The following WWTR1 variants were observed in gnomAD, a reference collection of about 807,000 sequenced individuals.
The protein encoded by WWTR1 is WW domain-containing transcription regulator protein 1.
WWTR1 carries 13 observed loss-of-function variants against 40.1 expected under a neutral mutation model. That is an observed-to-expected ratio of 0.32 (90% confidence interval 0.21 to 0.52). The LOEUF is 0.52. Among genes scored for constraint, WWTR1 ranks in the 20% least tolerant of loss-of-function variants. The pLI is 0.97. For missense variants in WWTR1, 436 were observed against 523.1 expected, an observed-to-expected ratio of 0.83 and a Z score of 1.63; for synonymous variants, 230 against 210.1, an observed-to-expected ratio of 1.09 and a Z score of -0.82.
chr3:149,595,119 G>A (rs71304478), intron 2 of WWTR1, among the ~76,000 whole-genome samples: 1 of 151,304 alleles, frequency 6.6e-6, no homozygotes, highest in Non-Finnish European at 1.5e-5. Context: ...GCACCACCAC[G>A]CCCAGCTAAT....
At chr3:149,668,924 T>C (rs552811691) in intron 2 of WWTR1, among the ~76,000 whole-genome samples, 25 of 152,300 alleles carry the variant, frequency 1.6e-4, no homozygotes, top group African/African-American at 5.8e-4. Context: ...AATCTAGTGG[T>C]AAATTTCAAC....
chr3:149,646,087 A>G (rs953714442), intron 2 of WWTR1, among the ~76,000 whole-genome samples: 3 of 152,252 alleles, frequency 2.0e-5, no homozygotes. Context: ...AATGATTATT[A>G]AGTTAATGAA....
Position 149,675,908 on chromosome 3 carries a change from G to A in WWTR1, c.-107-6017C>T, listed in dbSNP as rs975875453. Among the ~76,000 whole-genome samples, 8 of 152,156 alleles carry A rather than the reference G, an allele frequency of 5.3e-5. No individual in the cohort carries two copies. In the South Asian group the frequency reaches 1.7e-3, roughly 32 times the overall value. ...AATTTTTTGTGTTTTTAGTAGAGAT[G>A]AGGTTTCACCATGGTCTCGATCTCC... On this transcript the variant is annotated intron_variant, in intron 1 of 7. Transcript: ENST00000465804.
intron 2 of WWTR1, among the ~76,000 whole-genome samples, chr3:149,598,542 C>T (rs1739104944): frequency 6.6e-6 from 1 of 152,184 alleles, no homozygotes; most frequent in Non-Finnish European, 1.5e-5. Flanking sequence ...TAGTGTCTCC[C>T]AAATTGCTTG....
chr3:149,584,856 G>T (rs1738337147), intron 2 of WWTR1, among the ~76,000 whole-genome samples: 1 of 152,128 alleles, frequency 6.6e-6, no homozygotes, highest in Non-Finnish European at 1.5e-5. Flanking sequence ...TCCATTACAT[G>T]AGGCTGTTTT....
At chr3:149,670,839 G>C (rs1401808932) in intron 1 of WWTR1, 1 of 152,098 alleles carries the variant, frequency 6.6e-6, no homozygotes, top group Non-Finnish European at 1.5e-5. Context: ...TATCGATCCA[G>C]TCTGGGAAAA....
intron 1 of WWTR1, among the ~76,000 whole-genome samples, chr3:149,685,837 T>C (rs1384139095): frequency 1.3e-5 from 2 of 152,212 alleles, no homozygotes; most frequent in Non-Finnish European, 2.9e-5. Flanking sequence ...AAATGGCATA[T>C]GTAATATAAC....
At chr3:149,712,457 C>T (rs547634043) in intron 5 of WWTR1, among the ~76,000 whole-genome samples, 139 of 152,284 alleles carry the variant, frequency 9.1e-4, no homozygotes, top group African/African-American at 3.2e-3. Flanking sequence ...CTACGATTTA[C>T]CCAACATTCT....
At chr3:149,681,709 G>A (rs1714462515) in intron 1 of WWTR1, among the ~76,000 whole-genome samples, 1 of 152,170 alleles carries the variant, frequency 6.6e-6, no homozygotes, top group Non-Finnish European at 1.5e-5. Flanking sequence ...AGAAAATGTG[G>A]TGTATATACA....
At chr3:149,540,013 C>T (rs1277953444) in intron 4 of WWTR1, among the ~76,000 whole-genome samples, 1 of 151,194 alleles carries the variant, frequency 6.6e-6, no homozygotes, top group East Asian at 1.9e-4. Flanking sequence ...CCTGTACTCC[C>T]TAACAAAAAT....
Position 149,583,380 on chromosome 3 carries a change from T to A in WWTR1, c.432-10380A>T, listed in dbSNP as rs143170948. Among the ~76,000 whole-genome samples, 226 of 152,274 alleles carry A rather than the reference T, an allele frequency of 1.5e-3. 2 individuals are homozygous for A. Among genetic ancestry groups the A allele is most frequent in the African/African-American group, 5.1e-3 (211 of 41,554 alleles). On this transcript the variant is annotated intron_variant, in intron 2 of 6. Transcript: ENST00000360632. ...CTTCCATAGGGATTCAGTTCCAAAC[T>A]CAGTTTTCTTTTGTTTGAAAGAGAT...
chr3:149,544,972 A>T (rs1233295707), intron 3 of WWTR1, among the ~76,000 whole-genome samples: 1 of 152,068 alleles, frequency 6.6e-6, no homozygotes. Context: ...GCCACCAAGG[A>T]CTCTCACCTC....
chr3:149,682,429 C>T (rs901570167), intron 1 of WWTR1, among the ~76,000 whole-genome samples: 1 of 152,248 alleles, frequency 6.6e-6, no homozygotes, highest in South Asian at 2.1e-4. Context: ...CCATGGGAAC[C>T]AAGGACTGCA....
chr3:149,607,841 A>AC (rs2108061951), intron 2 of WWTR1, among the ~76,000 whole-genome samples: 1 of 152,378 alleles, frequency 6.6e-6, no homozygotes, highest in South Asian at 2.1e-4. Context: ...AACATTACTC[A>AC]GAGATTTCCC....
At chr3:149,672,896 G>A (rs955298001) in intron 1 of WWTR1, among the ~76,000 whole-genome samples, 7 of 150,492 alleles carry the variant, frequency 4.7e-5, no homozygotes, top group African/African-American at 9.8e-5. Context: ...CGATCCTCCC[G>A]CCTCAGCCTC....
At chr3:149,544,641 CA>C (rs1434751452) in intron 3 of WWTR1, among the ~76,000 whole-genome samples, 3 of 152,148 alleles carry the variant, frequency 2.0e-5, no homozygotes, top group African/African-American at 7.2e-5. Context: ...GAGCCAAGAC[CA>C]AAATCGAGAT....
intron 1 of WWTR1, among the ~76,000 whole-genome samples, chr3:149,679,452 A>C (rs1714382859): frequency 6.6e-6 from 1 of 152,140 alleles, no homozygotes; most frequent in Non-Finnish European, 1.5e-5. Flanking sequence ...TTTTCTCTGT[A>C]CTGTTCAGCC....
At chr3:149,592,521 C>T (rs937650676) in intron 2 of WWTR1, among the ~76,000 whole-genome samples, 2 of 152,002 alleles carry the variant, frequency 1.3e-5, no homozygotes, top group East Asian at 3.8e-4. Context: ...AGCATCCCAA[C>T]GACAAAGTTC....
chr3:149,649,664 C>T (rs1712735435), intron 2 of WWTR1, among the ~76,000 whole-genome samples: 1 of 152,154 alleles, frequency 6.6e-6, no homozygotes, highest in Non-Finnish European at 1.5e-5. Flanking sequence ...CGCCTGTAAT[C>T]CCAACACTTT....
Sources: allele counts gnomAD v4.1 joint callset (sites outside exome capture counted in the v4.1 genomes callset), GRCh38; gene constraint gnomAD v4.1.1; transcripts MANE v1.5; gene names NCBI Gene and HGNC (gene_info 2026-07-23, HGNC 2026-07-21).